Variants in RBFOX1 observed in about 807,000 individuals in gnomAD.
The protein encoded by RBFOX1 is RNA binding protein fox-1 homolog 1.
RBFOX1 carries 8 observed loss-of-function variants against 57.7 expected under a neutral mutation model. The observed-to-expected ratio is 0.14, with a 90% CI of 0.08 to 0.25. RBFOX1 has a LOEUF of 0.25. Ranked by LOEUF, RBFOX1 falls within the 10% of genes least tolerant of loss-of-function variation. The pLI, the probability that RBFOX1 is intolerant of heterozygous loss-of-function variation, is 1.00. For synonymous variants in RBFOX1, 326 were observed against 222.4 expected (o/e 1.47, Z -4.15); for missense variants, 611 against 548.5 (o/e 1.11, Z -1.14).
At position 6,899,015 on chromosome 16, in the gene RBFOX1, G is replaced by A. The variant is rs946169378; in HGVS notation, c.-15-153042G>A. Among the ~76,000 whole-genome samples the A allele has an allele frequency of 1.3e-3, 62 of 47,920 alleles. 1 individual carries two copies. Among genetic ancestry groups the A allele is most frequent in the African/African-American group, 8.2e-3 (28 of 3,422 alleles). 31.4% of individuals were successfully genotyped at this position (47,920 alleles called of 152,430 possible). A position where few individuals can be genotyped will look rare whatever the true frequency, so the allele number is the denominator to read the frequency against. On this transcript the variant is annotated intron_variant, in intron 3 of 15. Coordinates refer to ENST00000550418, the MANE Select transcript of RBFOX1 (RefSeq NM_018723.4). ...ATATATAATGCGTGTATGCATGCGC[G>A]TCTCTGTGTGTGTGTATAATGTGTG... is the stretch of plus-strand genomic sequence containing the variant.
intron 4 of RBFOX1, among the ~76,000 whole-genome samples, chr16:7,259,058 C>A (rs2094813098): frequency 6.6e-6 from 1 of 152,140 alleles, no homozygotes; most frequent in African/African-American, 2.4e-5. Flanking sequence ...AAACTAGTAG[C>A]TAAAATGAAA....
At chr16:6,387,477 A>G (rs1028857897) in intron 2 of RBFOX1, among the ~76,000 whole-genome samples, 1 of 151,672 alleles carries the variant, frequency 6.6e-6, no homozygotes. Context: ...TTAGGAAAAA[A>G]AAAAAAAAAC....
At chr16:6,925,374 C>G (rs1391877622) in intron 3 of RBFOX1, among the ~76,000 whole-genome samples, 1 of 151,780 alleles carries the variant, frequency 6.6e-6, no homozygotes, top group Non-Finnish European at 1.5e-5. Context: ...ATCTACCTGC[C>G]TTGGTCTCCG....
chr16:6,351,382 T>TTTTTCTTGAGGCAGAG (rs2086359869), intron 2 of RBFOX1, among the ~76,000 whole-genome samples: 1 of 142,332 alleles, frequency 7.0e-6, no homozygotes, highest in African/African-American at 2.6e-5. Flanking sequence ...ATTTTTTTTT[T>TTTTTCTTGAGGCAGAG]TTTTTCTTGA....
intron 1 of RBFOX1, among the ~76,000 whole-genome samples, chr16:5,377,904 C>T (rs1049749854): frequency 2.6e-4 from 39 of 151,756 alleles, no homozygotes; most frequent in African/African-American, 8.8e-4. Context: ...AACAGTTTTC[C>T]GTTTGAAACC....
chr16:5,999,275 C>G (rs1423987093), intron 4 of RBFOX1, among the ~76,000 whole-genome samples: 1 of 152,156 alleles, frequency 6.6e-6, no homozygotes, highest in Admixed American at 6.5e-5. Flanking sequence ...TTCTGACTGC[C>G]TAGAATTCCC....
rs1301057760 is a variant in RBFOX1, at chr16:6,895,541, C to A, written c.-15-156516C>A. Among the ~76,000 whole-genome samples, 3 of 146,728 alleles carry A rather than the reference C, an allele frequency of 2.0e-5. No individual in the cohort carries two copies. The South Asian group carries it at 6.5e-4, about 32-fold the overall frequency. On this transcript the variant is annotated intron_variant, in intron 3 of 15. Coordinates refer to ENST00000550418, the MANE Select transcript of RBFOX1 (RefSeq NM_018723.4). ...GATTCCTCTCATGACCTCTACAAGG[C>A]AGCTGCACATGATTGATGAGAGGAA...
At chr16:7,302,332 C>T (rs2096054946) in intron 4 of RBFOX1, among the ~76,000 whole-genome samples, 1 of 152,164 alleles carries the variant, frequency 6.6e-6, no homozygotes, top group South Asian at 2.1e-4. Flanking sequence ...TTCTTTTCTT[C>T]AGAAAGCATT....
chr16:5,813,983 A>C (rs2055529108), intron 3 of RBFOX1, among the ~76,000 whole-genome samples: 1 of 152,276 alleles, frequency 6.6e-6, no homozygotes. Flanking sequence ...TTACTTTTGC[A>C]CCGACTTAAT....
At chr16:7,049,744 A>G (rs1411766635) in intron 3 of RBFOX1, among the ~76,000 whole-genome samples, 1 of 152,122 alleles carries the variant, frequency 6.6e-6, no homozygotes, top group African/African-American at 2.4e-5. Context: ...TCCCCCATGC[A>G]TTCTATACAG....
chr16:6,883,786 G>C (rs552540640), intron 3 of RBFOX1, among the ~76,000 whole-genome samples: 11 of 151,984 alleles, frequency 7.2e-5, no homozygotes, highest in African/African-American at 2.7e-4. Context: ...ACATGGGTTA[G>C]TGAAGAGGTT....
chr16:7,134,517 G>C (rs995872356), intron 4 of RBFOX1, among the ~76,000 whole-genome samples: 1 of 152,116 alleles, frequency 6.6e-6, no homozygotes, highest in African/African-American at 2.4e-5. Context: ...CCAGAGTTTT[G>C]TGATAGGTTT....
intron 1 of RBFOX1, among the ~76,000 whole-genome samples, chr16:5,319,546 C>T (rs2064342443): frequency 6.6e-6 from 1 of 152,216 alleles, no homozygotes; most frequent in Admixed American, 6.5e-5. Flanking sequence ...CAATGTCAGT[C>T]TTTGAGCTGG....
intron 3 of RBFOX1, among the ~76,000 whole-genome samples, chr16:5,841,212 T>C (rs1271582029): frequency 2.0e-5 from 3 of 152,154 alleles, no homozygotes; most frequent in African/African-American, 7.2e-5. Flanking sequence ...ACCAATCCAG[T>C]GTCATGGATG....
At chr16:5,676,942 C>A (rs555815564) in intron 3 of RBFOX1, among the ~76,000 whole-genome samples, 2 of 152,280 alleles carry the variant, frequency 1.3e-5, no homozygotes, top group African/African-American at 4.8e-5. Flanking sequence ...TATATTTGTA[C>A]ATTGATGAAC....
In RBFOX1 at chr16:6,399,297, C is replaced by T. The variant is rs1287633848; in HGVS notation, c.-64+82240C>T. On this transcript the variant is annotated intron_variant, in intron 2 of 15. Coordinates refer to ENST00000550418, the MANE Select transcript of RBFOX1 (RefSeq NM_018723.4). ...GCTGCCATGAAGGTGTCTAACATGCCCTGGAAACATTTTCCCCATTGTCTT... is the reference window on the plus strand; with the variant it reads ...GCTGCCATGAAGGTGTCTAACATGCTCTGGAAACATTTTCCCCATTGTCTT... 1.9e-4 allele frequency among the ~76,000 whole-genome samples: 29 copies of T among 152,188 alleles called. 1 individual carries two copies. The highest frequency in any genetic ancestry group is 1.9e-3 in the Admixed American group (29 of 15,280).
intron 3 of RBFOX1, among the ~76,000 whole-genome samples, chr16:5,749,315 A>T (rs571698574): frequency 8.5e-5 from 13 of 152,134 alleles, no homozygotes; most frequent in African/African-American, 2.9e-4. Flanking sequence ...CTTCATTTCA[A>T]CTTCGGTGAA....
At chr16:7,348,222 G>A (rs1408276538) in intron 4 of RBFOX1, among the ~76,000 whole-genome samples, 1 of 152,072 alleles carries the variant, frequency 6.6e-6, no homozygotes, top group Admixed American at 6.5e-5. Context: ...ACCACAATCC[G>A]CTACCCAAAA....
intron 12 of RBFOX1, among the ~76,000 whole-genome samples, chr16:7,655,445 CTAA>C (rs1340890244): frequency 6.6e-6 from 1 of 152,204 alleles, no homozygotes; most frequent in African/African-American, 2.4e-5. Flanking sequence ...TAAATTCTCC[CTAA>C]TGCCTGTCAA....
Sources: gnomAD v4.1 joint callset for allele counts (sites outside exome capture counted in the v4.1 genomes callset) on GRCh38, gnomAD v4.1.1 for gene constraint, MANE v1.5 for transcripts, NCBI Gene and HGNC (gene_info 2026-07-23, HGNC 2026-07-21) for gene names.